Variants in CDH7 observed in about 807,000 individuals in gnomAD.
CDH7 encodes the protein cadherin-7.
A neutral mutation model predicts 71.8 loss-of-function variants in CDH7; 25 were observed. The ratio of observed to expected loss-of-function variants is 0.35; its 90% CI spans 0.25 to 0.49. The LOEUF is 0.49. Among genes scored for constraint, CDH7 ranks in the 20% least tolerant of loss-of-function variants. The probability of loss-of-function intolerance (pLI) is 0.99; values close to 1 mark genes in which losing one functional copy is unlikely to be tolerated. For missense variants in CDH7, 862 were observed against 974.6 expected (o/e 0.88, Z 1.54); for synonymous variants, 381 against 363.8 (o/e 1.05, Z -0.54).
chr18:65,871,211 A>G (rs1913916550), intron 11 of CDH7, among the ~76,000 whole-genome samples: 1 of 152,216 alleles, frequency 6.6e-6, no homozygotes, highest in South Asian at 2.1e-4. Flanking sequence ...TTTATTGTAG[A>G]AATTCCACAA....
intron 3 of CDH7, among the ~76,000 whole-genome samples, chr18:65,811,096 A>G (rs1911517713): frequency 6.6e-6 from 1 of 151,364 alleles, no homozygotes; most frequent in African/African-American, 2.4e-5. Flanking sequence ...TTATATATTT[A>G]TTTCCTGCTG....
At chr18:65,830,616 C>T (rs1178778600) in intron 6 of CDH7, among the ~76,000 whole-genome samples, 2 of 22,108 alleles carry the variant, frequency 9.0e-5, no homozygotes, top group Non-Finnish European at 5.6e-3. Context: ...CTTTCCTTCC[C>T]TTCCCTTCGC....
chr18:65,850,634 G>A (rs912278732), intron 7 of CDH7, among the ~76,000 whole-genome samples: 1 of 151,002 alleles, frequency 6.6e-6, no homozygotes, highest in African/African-American at 2.4e-5. Flanking sequence ...CTTGATATAT[G>A]TGGCCGTCTC....
Position 65,882,620 on chromosome 18 carries a change from A to G in CDH7, c.*1726A>G, listed in dbSNP as rs1442560626. The G allele has an allele frequency of 6.6e-6, 1 of 152,134 alleles. No individual in the cohort carries two copies. Among genetic ancestry groups the G allele is most frequent in the Non-Finnish European group, 1.5e-5 (1 of 67,970 alleles). The allele number at this position is 152,134 out of a possible 1,614,324, so 9.4% of individuals were successfully genotyped here. Reference sequence around the variant, plus strand: ...TTCATAAGTATAAATAATCCAATAAATTTCATTACCTGCAAACAGTTCTTT... The same window carrying G: ...TTCATAAGTATAAATAATCCAATAAGTTTCATTACCTGCAAACAGTTCTTT... On this transcript the variant is annotated 3_prime_UTR_variant, in exon 12 of 12. Coordinates refer to ENST00000397968, the MANE Select transcript of CDH7 (RefSeq NM_004361.5).
intron 5 of CDH7, among the ~76,000 whole-genome samples, chr18:65,824,130 C>G (rs568420671): frequency 9.3e-5 from 14 of 150,490 alleles, no homozygotes; most frequent in African/African-American, 3.2e-4. Flanking sequence ...TCATTCTTAT[C>G]CTTTCTTATC....
chr18:65,763,366 A>G (rs539729629), intron 2 of CDH7, among the ~76,000 whole-genome samples: 1 of 152,272 alleles, frequency 6.6e-6, no homozygotes, highest in African/African-American at 2.4e-5. Context: ...CCAAAGTGGA[A>G]CAAGACTATT....
intron 2 of CDH7, among the ~76,000 whole-genome samples, chr18:65,768,932 T>C (rs986026281): frequency 6.6e-6 from 1 of 152,126 alleles, no homozygotes; most frequent in Non-Finnish European, 1.5e-5. Context: ...TTTCTTCTTT[T>C]CTCTCTCCTT....
chr18:65,868,826 T>G (rs1450158288), intron 11 of CDH7, among the ~76,000 whole-genome samples: 1 of 152,190 alleles, frequency 6.6e-6, no homozygotes, highest in African/African-American at 2.4e-5. Context: ...TCCCTCACAT[T>G]TAAAGGAAAT....
In CDH7 at chr18:65,764,317, A is replaced by G. The variant is rs1916289885; in HGVS notation, c.210+1265A>G. On this transcript the variant is annotated intron_variant, in intron 2 of 11. Coordinates refer to ENST00000397968, the MANE Select transcript of CDH7 (RefSeq NM_004361.5). ...ACTACCTTGTAAACAAAAGGACATT[A>G]ATAAGTTAAAGGTTTCTAGGGATGT... Among the ~76,000 whole-genome samples, 5 of 152,154 alleles carry G rather than the reference A, an allele frequency of 3.3e-5. No homozygotes were observed. In the South Asian group the frequency reaches 1.0e-3, roughly 32 times the overall value.
chr18:65,884,547 T>TACTA lies in CDH7; in HGVS notation c.*3654_*3657dup, dbSNP rs1017269584. ...TTTTATCTTCATGCACAATTACATTTACTACATTGGATGGTAGACATAGGC... is the reference window on the plus strand; with the variant it reads ...TTTTATCTTCATGCACAATTACATTTACTAACTACATTGGATGGTAGACATAGGC... On this transcript the variant is annotated 3_prime_UTR_variant, in exon 12 of 12. Coordinates refer to ENST00000397968, the MANE Select transcript of CDH7 (RefSeq NM_004361.5). The TACTA allele has an allele frequency of 2.6e-5, 4 of 152,212 alleles. No homozygotes were observed. Among genetic ancestry groups the TACTA allele is most frequent in the Admixed American group, 2.6e-4 (4 of 15,278 alleles). 9.4% of individuals were successfully genotyped at this position (152,212 alleles called of 1,614,324 possible). A position where few individuals can be genotyped will look rare whatever the true frequency, so the allele number is the denominator to read the frequency against.
chr18:65,877,037 C>G (rs1299170758), intron 11 of CDH7, among the ~76,000 whole-genome samples: 1 of 152,144 alleles, frequency 6.6e-6, no homozygotes, highest in African/African-American at 2.4e-5. Context: ...GAGTATTCTT[C>G]TTAATACAGT....
intron 5 of CDH7, among the ~76,000 whole-genome samples, chr18:65,823,648 A>G (rs1912019129): frequency 6.6e-6 from 1 of 151,958 alleles, no homozygotes; most frequent in Non-Finnish European, 1.5e-5. Context: ...ATAATCATTT[A>G]AAAAACAAAC....
At chr18:65,771,833 G>A (rs1916553370) in intron 2 of CDH7, among the ~76,000 whole-genome samples, 1 of 152,202 alleles carries the variant, frequency 6.6e-6, no homozygotes, top group East Asian at 1.9e-4. Flanking sequence ...AGAGCCAAAT[G>A]ACATTGGGGG....
At chr18:65,794,028 T>C (rs933018475) in intron 2 of CDH7, among the ~76,000 whole-genome samples, 1 of 152,032 alleles carries the variant, frequency 6.6e-6, no homozygotes, top group East Asian at 1.9e-4. Flanking sequence ...TATAGAAGAA[T>C]AGAGAATTAG....
chr18:65,761,354 T>TA (rs11420464), intron 1 of CDH7, among the ~76,000 whole-genome samples: 57,072 of 151,894 alleles, frequency 0.38, 11,398 homozygotes, highest in African/African-American at 0.51. Context: ...TTTTACTACA[T>TA]ATAGTATTTT....
chr18:65,779,275 T>TTTC (rs71167147), intron 2 of CDH7, among the ~76,000 whole-genome samples: 1 of 138,630 alleles, frequency 7.2e-6, no homozygotes, highest in African/African-American at 2.9e-5. Flanking sequence ...TTTTTTTTTT[T>TTTC]CAGTCATTAT....
At chr18:65,815,262 G>A (rs1312230236) in intron 4 of CDH7, among the ~76,000 whole-genome samples, 1 of 152,090 alleles carries the variant, frequency 6.6e-6, no homozygotes, top group South Asian at 2.1e-4. Flanking sequence ...ATATTTTAAT[G>A]TATTCAGTTT....
chr18:65,785,327 T>C (rs887419938), intron 2 of CDH7, among the ~76,000 whole-genome samples: 2 of 152,104 alleles, frequency 1.3e-5, no homozygotes, highest in Non-Finnish European at 1.5e-5. Context: ...ATGGTATCAT[T>C]TTATTAGAAT....
chr18:65,751,168 C>G lies in CDH7; in HGVS notation c.-197+18C>G, dbSNP rs1043258868. On this transcript the variant is annotated intron_variant, in intron 1 of 11. Transcript: ENST00000397968. ...GGCCCCAGGTGAGTGTGTCTGCCTG[C>G]GCGGGGCTGGGGAGGCGCCGCTGGG... The G allele has an allele frequency of 6.6e-6, 1 of 152,456 alleles. No homozygotes were observed. 9.4% of individuals were successfully genotyped at this position (152,456 alleles called of 1,614,324 possible).
Sources: allele counts gnomAD v4.1 joint callset (sites outside exome capture counted in the v4.1 genomes callset), GRCh38; gene constraint gnomAD v4.1.1; transcripts MANE v1.5; gene names NCBI Gene and HGNC (gene_info 2026-07-23, HGNC 2026-07-21).